The following RABEP1 variants were observed in gnomAD, a reference collection of about 807,000 sequenced individuals.
RABEP1 encodes rabaptin, RAB GTPase binding effector protein 1.
RABEP1 carries 51 observed loss-of-function variants against 123.4 expected under a neutral mutation model. The observed-to-expected ratio is 0.41, with a 90% CI of 0.33 to 0.52. RABEP1 has a LOEUF of 0.52. RABEP1 is among the 20% of genes least tolerant of loss of function. RABEP1 has a pLI of 0.16. For missense variants in RABEP1, 888 were observed against 996.3 expected (o/e 0.89, Z 1.46); for synonymous variants, 347 against 355.2 (o/e 0.98, Z 0.26).
intron 1 of RABEP1, among the ~76,000 whole-genome samples, chr17:5,306,396 G>A (rs1335100544): frequency 6.6e-6 from 1 of 152,182 alleles, no homozygotes; most frequent in African/African-American, 2.4e-5. Flanking sequence ...GGGAGGCCGA[G>A]GTGGGTGGAT....
chr17:5,386,028 C>A lies in RABEP1; in HGVS notation c.*2805C>A, dbSNP rs1168920109. On this transcript the variant is annotated 3_prime_UTR_variant, in exon 18 of 18. Transcript: ENST00000537505. ...GTAGGCTTGAGTTATAAAGCACATTCCAAATTTTAAATAAAAGCATTTACT... is the reference window on the plus strand; with the variant it reads ...GTAGGCTTGAGTTATAAAGCACATTACAAATTTTAAATAAAAGCATTTACT... The A allele has an allele frequency of 1.8e-6, 1 of 553,496 alleles. No individual in the cohort carries two copies. The highest frequency in any genetic ancestry group is 2.8e-5 in the South Asian group (1 of 35,984). The allele number at this position is 553,496 out of a possible 1,614,324, so 34.3% of individuals were successfully genotyped here. A position where few individuals can be genotyped will look rare whatever the true frequency, so the allele number is the denominator to read the frequency against.
intron 15 of RABEP1, among the ~76,000 whole-genome samples, chr17:5,380,107 C>G (rs549519295): frequency 1.3e-5 from 2 of 152,334 alleles, no homozygotes; most frequent in South Asian, 4.1e-4. Context: ...ATGCTTCTTT[C>G]TTCATCCTTT....
chr17:5,303,309 T>A (rs188157121), intron 1 of RABEP1, among the ~76,000 whole-genome samples: 4 of 152,328 alleles, frequency 2.6e-5, no homozygotes, highest in East Asian at 1.9e-4. Flanking sequence ...TGGTGCGATC[T>A]TGGCTCACTG....
chr17:5,368,258 C>A, intron 11 of RABEP1, 112 bp from the exon 12 acceptor site: 1 of 734,764 alleles, frequency 1.4e-6, no homozygotes, highest in Non-Finnish European at 2.3e-6. Flanking sequence ...TCAGTGGTTC[C>A]CATGAACAAA....
chr17:5,323,799 AATATATATATATATCTAGGAAT>A (rs1905665379), intron 2 of RABEP1, among the ~76,000 whole-genome samples: 2 of 104,478 alleles, frequency 1.9e-5, no homozygotes, highest in Non-Finnish European at 3.5e-5. Context: ...TATATCTAGG[AATATATATATATATCTAGGAAT>A]ATATATATAT....
At chr17:5,309,291 C>G (rs960500762) in intron 2 of RABEP1, among the ~76,000 whole-genome samples, 3 of 151,916 alleles carry the variant, frequency 2.0e-5, no homozygotes, top group African/African-American at 7.3e-5. Flanking sequence ...TCATGTGGTT[C>G]TTTAACTTGG....
intron 8 of RABEP1, among the ~76,000 whole-genome samples, chr17:5,356,949 C>T (rs1010718514): frequency 6.6e-6 from 1 of 152,180 alleles, no homozygotes; most frequent in Non-Finnish European, 1.5e-5. Context: ...GTGATCTCAG[C>T]TCATTGCAAC....
intron 2 of RABEP1, among the ~76,000 whole-genome samples, chr17:5,330,452 G>A (rs574944065): frequency 5.3e-5 from 8 of 152,216 alleles, no homozygotes; most frequent in African/African-American, 1.9e-4. Flanking sequence ...ATTTCACAAC[G>A]TTTAAAAGTT....
chr17:5,361,275 A>T lies in RABEP1; in HGVS notation c.1163A>T (p.Asp388Val). The T allele has an allele frequency of 6.2e-7, 1 of 1,614,094 alleles. No individual in the cohort carries two copies. The highest frequency in any genetic ancestry group is 2.2e-5 in the East Asian group (1 of 44,882). The change falls in exon 9 of 18, where the codon GAT becomes GTT. Residue 388 changes from aspartate (D) to valine (V), a missense_variant. Transcript: ENST00000537505. ...LDAGLLLPSG[D>V]PFSKSDNDMF... is the part of the protein sequence containing the mutation. Reference sequence around the variant, plus strand: ...GCAGGCTTGCTGTTGCCATCTGGAGATCCTTTCAGTAAATCGGACAATGAC... The same window carrying T: ...GCAGGCTTGCTGTTGCCATCTGGAGTTCCTTTCAGTAAATCGGACAATGAC...
chr17:5,283,803 G>A (rs2074951777), intron 1 of RABEP1: 1 of 152,154 alleles, frequency 6.6e-6, no homozygotes, highest in Admixed American at 6.6e-5. Context: ...TGTAGTTTTG[G>A]GTGTTGTTGC....
chr17:5,353,380 T>C (rs976469271), intron 7 of RABEP1, among the ~76,000 whole-genome samples: 2 of 152,220 alleles, frequency 1.3e-5, no homozygotes, highest in African/African-American at 4.8e-5. Flanking sequence ...TTTAGAACCT[T>C]GTACATACTT....
At position 5,371,030 on chromosome 17, in the gene RABEP1, G is replaced by T. The variant is rs549641747; in HGVS notation, c.1885-2284G>T. Among the ~76,000 whole-genome samples the T allele has an allele frequency of 5.9e-5, 9 of 151,620 alleles. No individual in the cohort carries two copies. In the East Asian group the frequency reaches 1.6e-3, roughly 26 times the overall value. On this transcript the variant is annotated intron_variant, in intron 12 of 17. Coordinates refer to ENST00000537505, the MANE Select transcript of RABEP1 (RefSeq NM_004703.6). Reference sequence around the variant, plus strand: ...CGCCCAGGTTGGAGTGCAGTGGCGCGATCTCGGCTCACTGCAAGCTCCGCC... The same window carrying T: ...CGCCCAGGTTGGAGTGCAGTGGCGCTATCTCGGCTCACTGCAAGCTCCGCC...
At chr17:5,349,966 G>A (rs1439689838) in intron 6 of RABEP1, among the ~76,000 whole-genome samples, 1 of 152,116 alleles carries the variant, frequency 6.6e-6, no homozygotes, top group Non-Finnish European at 1.5e-5. Context: ...AGTGCACTTT[G>A]GGAGACTCTG....
chr17:5,318,025 C>T (rs1297113924), intron 2 of RABEP1, among the ~76,000 whole-genome samples: 1 of 152,168 alleles, frequency 6.6e-6, no homozygotes, highest in Non-Finnish European at 1.5e-5. Context: ...CGTGCCTTGT[C>T]CTGTGCACCT....
At chr17:5,344,071 A>G (rs902105809) in intron 5 of RABEP1, among the ~76,000 whole-genome samples, 7 of 152,222 alleles carry the variant, frequency 4.6e-5, no homozygotes, top group Admixed American at 4.6e-4. Flanking sequence ...AAAAGATACT[A>G]TTAATACAAA....
intron 9 of RABEP1, 69 bp downstream of exon 9, chr17:5,361,744 C>G: frequency 7.5e-7 from 1 of 1,341,524 alleles, no homozygotes; most frequent in East Asian, 2.4e-5. Flanking sequence ...TGGGATTTAG[C>G]GTTCATTCAA....
At chr17:5,343,670 C>CTTTTTTTTTTTTTTTTTTT (rs753410845) in intron 5 of RABEP1, among the ~76,000 whole-genome samples, 2 of 99,952 alleles carry the variant, frequency 2.0e-5, no homozygotes, top group African/African-American at 3.9e-5. Flanking sequence ...TTTCTTTTCT[C>CTTTTTTTTTTTTTTTTTTT]TTTTTTTTTT....
chr17:5,374,002 CGTTT>C (rs1433230563), intron 13 of RABEP1, among the ~76,000 whole-genome samples: 3 of 151,580 alleles, frequency 2.0e-5, no homozygotes, highest in Non-Finnish European at 4.4e-5. Flanking sequence ...CTGCTTATGA[CGTTT>C]GTTTTTGTAT....
chr17:5,376,703 T>C (rs936283396), intron 13 of RABEP1, among the ~76,000 whole-genome samples: 9 of 152,230 alleles, frequency 5.9e-5, no homozygotes, highest in African/African-American at 1.7e-4. Flanking sequence ...AAATAAATGT[T>C]ATCCTCTTAG....
Sources: allele counts gnomAD v4.1 joint callset (sites outside exome capture counted in the v4.1 genomes callset), GRCh38; gene constraint gnomAD v4.1.1; transcripts MANE v1.5; gene names NCBI Gene and HGNC (gene_info 2026-07-23, HGNC 2026-07-21).